CTNNA2: variants seen among roughly 807,000 people sequenced by gnomAD.
CTNNA2 encodes the protein catenin alpha-2.
Under a neutral mutation model 101.0 loss-of-function variants are expected in CTNNA2, and 42 were observed. The observed-to-expected ratio is 0.42, with a 90% CI of 0.32 to 0.54. The LOEUF (loss-of-function observed/expected upper bound fraction) is 0.54. Ranked by LOEUF, CTNNA2 falls within the 20% of genes least tolerant of loss-of-function variation. CTNNA2 has a pLI of 0.14. For synonymous variants in CTNNA2, 450 were observed against 456.4 expected, an observed-to-expected ratio of 0.99 and a Z score of 0.18; for missense variants, 871 against 1,223.1, an observed-to-expected ratio of 0.71 and a Z score of 4.29.
At chr2:79,575,029 G>T (rs1205645750) in intron 1 of CTNNA2, among the ~76,000 whole-genome samples, 1 of 152,068 alleles carries the variant, frequency 6.6e-6, no homozygotes, top group Non-Finnish European at 1.5e-5. Flanking sequence ...AAAAGCGTTG[G>T]TTCGTGTCCT....
chr2:79,635,664 C>T lies in CTNNA2; in HGVS notation c.-5-15888C>T, dbSNP rs567105599. 1.1e-4 allele frequency among the ~76,000 whole-genome samples: 16 copies of T among 150,886 alleles called. No homozygotes were observed. In the South Asian group the frequency reaches 2.5e-3, roughly 24 times the overall value. ...GATTACAGGCGCCCGCCACCACTCC[C>T]GGGTAATTTTTGTATTTTTAGTAGA... On this transcript the variant is annotated intron_variant, in intron 1 of 18. Coordinates refer to ENST00000402739, the MANE Select transcript of CTNNA2 (RefSeq NM_001282597.3).
chr2:80,591,451 C>G (rs562603057), intron 15 of CTNNA2, among the ~76,000 whole-genome samples: 3 of 66,642 alleles, frequency 4.5e-5, no homozygotes, highest in South Asian at 6.3e-4. Flanking sequence ...TCCATCTGCA[C>G]AGCCTGTTTT....
chr2:80,079,623 C>A (rs1280179156), intron 7 of CTNNA2, among the ~76,000 whole-genome samples: 8 of 151,940 alleles, frequency 5.3e-5, no homozygotes, highest in Admixed American at 4.6e-4. Context: ...CCCATCCTGG[C>A]TAACACGGTG....
intron 7 of CTNNA2, among the ~76,000 whole-genome samples, chr2:80,148,157 T>C (rs569451121): frequency 1.3e-5 from 2 of 152,298 alleles, no homozygotes; most frequent in African/African-American, 2.4e-5. Context: ...CTATTTTCAG[T>C]TGAGTTGGTA....
At chr2:80,291,350 A>T (rs1367709415) in intron 7 of CTNNA2, among the ~76,000 whole-genome samples, 1 of 152,204 alleles carries the variant, frequency 6.6e-6, no homozygotes, top group Admixed American at 6.5e-5. Context: ...ACCACTACAG[A>T]CCTAAGAAAG....
At chr2:80,501,794 C>G (rs1687902644) in intron 9 of CTNNA2, among the ~76,000 whole-genome samples, 1 of 152,100 alleles carries the variant, frequency 6.6e-6, no homozygotes, top group Non-Finnish European at 1.5e-5. Flanking sequence ...GCATAACTTA[C>G]AAGAGACCAT....
At chr2:80,591,063 C>T (rs1180262580) in intron 15 of CTNNA2, among the ~76,000 whole-genome samples, 3 of 152,050 alleles carry the variant, frequency 2.0e-5, no homozygotes, top group Admixed American at 1.3e-4. Flanking sequence ...TGACTCTGGT[C>T]ATGTTACTAG....
chr2:79,698,601 G>C (rs6547259), intron 2 of CTNNA2, among the ~76,000 whole-genome samples: 36,015 of 151,934 alleles, frequency 0.24, 4,559 homozygotes, highest in East Asian at 0.46. Context: ...AATAATATTT[G>C]GGGGTAATTC....
At chr2:79,480,271 C>T (rs1671094998) in intron 4 of CTNNA2, among the ~76,000 whole-genome samples, 2 of 152,098 alleles carry the variant, frequency 1.3e-5, no homozygotes, top group South Asian at 4.1e-4. Flanking sequence ...GATGCAAACA[C>T]CTCTCATTAT....
intron 3 of CTNNA2, among the ~76,000 whole-genome samples, chr2:79,768,584 A>G (rs940866769): frequency 3.3e-5 from 5 of 151,866 alleles, no homozygotes; most frequent in Non-Finnish European, 4.4e-5. Context: ...TTCTGAATCA[A>G]TTAGTCCACA....
chr2:79,655,737 G>A (rs1360124078), intron 2 of CTNNA2, among the ~76,000 whole-genome samples: 1 of 151,482 alleles, frequency 6.6e-6, no homozygotes, highest in Non-Finnish European at 1.5e-5. Flanking sequence ...GCTGAGGCAG[G>A]AGAATCACTT....
chr2:80,361,144 T>TA (rs940442557), intron 7 of CTNNA2, among the ~76,000 whole-genome samples: 1 of 152,018 alleles, frequency 6.6e-6, no homozygotes, highest in African/African-American at 2.4e-5. Context: ...TACAAATTGG[T>TA]TTTCTAGCAG....
chr2:80,253,655 C>CA (rs1671931621), intron 7 of CTNNA2, among the ~76,000 whole-genome samples: 2 of 152,160 alleles, frequency 1.3e-5, no homozygotes, highest in South Asian at 4.1e-4. Flanking sequence ...CTTCCTCAAT[C>CA]AAAATCTCTT....
At chr2:79,546,407 G>C (rs1335219817) in intron 1 of CTNNA2, among the ~76,000 whole-genome samples, 1 of 152,116 alleles carries the variant, frequency 6.6e-6, no homozygotes, top group Non-Finnish European at 1.5e-5. Flanking sequence ...CTTCAGAGTA[G>C]AATAGAGAAA....
chr2:80,113,321 T>G (rs1701327500), intron 7 of CTNNA2, among the ~76,000 whole-genome samples: 1 of 152,230 alleles, frequency 6.6e-6, no homozygotes, highest in South Asian at 2.1e-4. Flanking sequence ...TTTAAATGCG[T>G]TAATCACAAT....
chr2:80,054,532 G>T (rs1482114579), intron 7 of CTNNA2, among the ~76,000 whole-genome samples: 1 of 152,202 alleles, frequency 6.6e-6, no homozygotes, highest in African/African-American at 2.4e-5. Flanking sequence ...AAGGTGGAGT[G>T]TTGGGTGCCA....
chr2:79,715,003 C>T (rs1466448964), intron 2 of CTNNA2, among the ~76,000 whole-genome samples: 2 of 127,622 alleles, frequency 1.6e-5, no homozygotes, highest in African/African-American at 6.1e-5. Context: ...CCAGCCTGGC[C>T]AACATGGTGA....
intron 3 of CTNNA2, among the ~76,000 whole-genome samples, chr2:79,357,876 A>T (rs944095329): frequency 2.6e-5 from 4 of 152,156 alleles, no homozygotes; most frequent in Admixed American, 1.3e-4. Flanking sequence ...AAAGCGAAGA[A>T]GGTGCTGTAA....
chr2:79,933,275 AT>A (rs1458234733), intron 7 of CTNNA2, among the ~76,000 whole-genome samples: 2 of 152,076 alleles, frequency 1.3e-5, no homozygotes, highest in African/African-American at 4.8e-5. Context: ...TTTATTGGAT[AT>A]TTATTGTGTA....
Sources: allele counts gnomAD v4.1 joint callset (sites outside exome capture counted in the v4.1 genomes callset), GRCh38; gene constraint gnomAD v4.1.1; transcripts MANE v1.5; gene names NCBI Gene and HGNC (gene_info 2026-07-23, HGNC 2026-07-21).